CLPTM1L: variants seen among roughly 807,000 people sequenced by gnomAD.
CLPTM1L encodes the protein lipid scramblase CLPTM1L.
In CLPTM1L, 38 loss-of-function variants were observed where a neutral mutation model predicts 70.9. The observed-to-expected ratio is 0.54, with a 90% confidence interval of 0.41 to 0.70. CLPTM1L has a LOEUF of 0.70. Among genes scored for constraint, CLPTM1L ranks in the 30% least tolerant of loss-of-function variants. The pLI is 0.00. For synonymous variants in CLPTM1L, 339 were observed against 299.9 expected (o/e 1.13, Z -1.35); for missense variants, 652 against 705.9 (o/e 0.92, Z 0.87).
chr5:1,322,506 T>C (rs1022060599), intron 13 of CLPTM1L, among the ~76,000 whole-genome samples: 1 of 152,234 alleles, frequency 6.6e-6, no homozygotes, highest in South Asian at 2.1e-4. Flanking sequence ...TAGGTTTCCT[T>C]GTTTCCATGA....
rs766018144 is a variant in CLPTM1L, at chr5:1,323,823, C to T, written c.1244G>A (p.Gly415Asp). The change falls in exon 12 of 17, where the codon GGT becomes GAT. Residue 415 changes from glycine to aspartate, a missense_variant. Physicochemically the swap from Gly to Asp is moderately conservative, Grantham distance 94 (BLOSUM62 -1). Around this residue, in one of 3 missense-constraint regions of CLPTM1L, gnomAD observed 240 missense variants for 295.0 expected, o/e 0.81. Transcript: ENST00000320895. ...GATATTCAGGAGTGAATAGACAGCA[C>T]CCCCGACACAGAGAGGGTACAGCAG... ...SYLLYPLCVG[G>D]AVYSLLNIKY... 1.9e-6 allele frequency: 3 copies of T among 1,613,736 alleles called. No individual in the cohort carries two copies. The East Asian group carries it at 6.7e-5, about 36-fold the overall frequency.
chr5:1,339,481 CCACA>C (rs1454031271), intron 3 of CLPTM1L, among the ~76,000 whole-genome samples: 2 of 134,050 alleles, frequency 1.5e-5, no homozygotes, highest in African/African-American at 3.0e-5. Context: ...GAACAGATGG[CCACA>C]CAGACGGGCA....
rs1477554460 is a variant in CLPTM1L, at chr5:1,320,645, C to G, written c.1503G>C (p.Val501=). The G allele has an allele frequency of 1.3e-6, 2 of 1,545,672 alleles. No individual in the cohort carries two copies. Among genetic ancestry groups the G allele is most frequent in the South Asian group, 1.2e-5 (1 of 83,660 alleles). The part of the protein sequence containing the change: ...SHRLACFRDD[V]VFLVYLYQRW... The stretch of plus-strand genomic sequence containing the variant: ...GCTGGTACAGGTAGACCAGAAACAC[C>G]ACGTCGTCCCGGAAGCAGGCCAGCC... The change falls in exon 16 of 17, where the codon GTG becomes GTC. Residue 501 remains valine, a synonymous_variant. Transcript: ENST00000320895.
chr5:1,332,207 T>C, intron 7 of CLPTM1L: 1 of 333,248 alleles, frequency 3.0e-6, no homozygotes, highest in South Asian at 4.1e-5. Flanking sequence ...TGCTCTCGGG[T>C]TGTGCCCACT....
intron 4 of CLPTM1L, chr5:1,338,386 G>C (rs970711096): frequency 3.5e-6 from 1 of 282,502 alleles, no homozygotes; most frequent in African/African-American, 2.3e-5. Context: ...CCACCTGGGA[G>C]GCGGAGCTGT....
Position 1,341,808 on chromosome 5 carries a change from C to T in CLPTM1L, c.316G>A (p.Ala106Thr). ...CCAGCGTGATGGAGGAAGATGTAGG[C>T]ATACAGCGTCCCATTGTTTCTCGTT... ...KKTRNNGTLY[A>T]YIFLHHAGVL... Residue 106 changes from alanine to threonine, a missense_variant, in exon 3 of 17, where the codon GCC (alanine) becomes ACC (threonine). This residue lies in a region of CLPTM1L where 402 missense variants were observed against 388.2 expected (regional missense o/e 1.04). Transcript: ENST00000320895. 1 of 1,614,122 alleles carries T rather than the reference C, an allele frequency of 6.2e-7. No individual in the cohort carries two copies. Among genetic ancestry groups the T allele is most frequent in the Non-Finnish European group, 8.5e-7 (1 of 1,179,992 alleles).
chr5:1,337,323 C>T (rs538079862), intron 5 of CLPTM1L, among the ~76,000 whole-genome samples: 1 of 152,360 alleles, frequency 6.6e-6, no homozygotes, highest in Admixed American at 6.5e-5. Flanking sequence ...CATTTCATCT[C>T]CTCTCAAAGC....
chr5:1,318,382 G>GGC lies in CLPTM1L; in HGVS notation c.1602_1603dup (p.Pro535ArgfsTer18). 1 of 1,613,554 alleles carries GGC rather than the reference G, an allele frequency of 6.2e-7. No individual in the cohort carries two copies. The highest frequency in any genetic ancestry group is 8.5e-7 in the Non-Finnish European group (1 of 1,179,890). ...CCCGGGCGGCCTTCAGTCCGTGTGGGGCGCCCGCGTGGCCTTCTCCTCGTA... is the reference window on the plus strand; with the variant it reads ...CCCGGGCGGCCTTCAGTCCGTGTGGGGCGCGCCCGCGTGGCCTTCTCCTCGTA... On this transcript the variant is annotated frameshift_variant, in exon 17 of 17. Coordinates refer to ENST00000320895, the MANE Select transcript of CLPTM1L (RefSeq NM_030782.5). LOFTEE classifies it high-confidence loss of function. This position sits in a 1 kb window ranked among gnomAD's most constrained non-coding sequence, Gnocchi z 8.9.
Position 1,330,564 on chromosome 5 carries a change from T to C in CLPTM1L, c.977-181A>G, listed in dbSNP as rs377130557. On this transcript the variant is annotated intron_variant, in intron 8 of 16. Transcript: ENST00000320895. The stretch of plus-strand genomic sequence containing the variant: ...ATGAAGCATTCAGCAGCTAGGAAAG[T>C]GTTTGGAAGGCTGCTGAACTGAACA... 9 of 589,538 alleles carry C rather than the reference T, an allele frequency of 1.5e-5. No homozygotes were observed. In the South Asian group the frequency reaches 1.7e-4, roughly 11 times the overall value. The allele number at this position is 589,538 out of a possible 1,614,324, so 36.5% of individuals were successfully genotyped here.
chr5:1,325,442 G>A (rs907404255), intron 10 of CLPTM1L: 9 of 434,316 alleles, frequency 2.1e-5, no homozygotes, highest in African/African-American at 5.9e-5. Context: ...CCTCGGGAGC[G>A]CCTCTGGACA....
rs1751962692 is a variant in CLPTM1L, at chr5:1,318,467, A to T, written c.1533-14T>A. On this transcript the variant is annotated splice_polypyrimidine_tract_variant and intron_variant, in intron 16 of 16. Transcript: ENST00000320895. The surrounding 1 kb of genome is among the most constrained non-coding windows in gnomAD (Gnocchi z 8.9). ...ACAGGATAAAGCCTGCAATGACACAAATGAGCACATCAGCAAACCCCACTG... is the reference window on the plus strand; with the variant it reads ...ACAGGATAAAGCCTGCAATGACACATATGAGCACATCAGCAAACCCCACTG... The T allele has an allele frequency of 6.2e-7, 1 of 1,610,548 alleles. No individual in the cohort carries two copies. The highest frequency in any genetic ancestry group is 1.7e-5 in the Admixed American group (1 of 59,920).
intron 16 of CLPTM1L, 135 bp downstream of exon 16, chr5:1,320,481 A>G: frequency 3.9e-6 from 2 of 516,694 alleles, no homozygotes; most frequent in Non-Finnish European, 3.4e-6. Flanking sequence ...AAGACAGGAA[A>G]AACCACCACC....
Position 1,323,872 on chromosome 5 carries a change from G to A in CLPTM1L, c.1198-3C>T. 1 of 1,612,136 alleles carries A rather than the reference G, an allele frequency of 6.2e-7. No individual in the cohort carries two copies. Reference sequence around the variant, plus strand: ...AGGTATGACAAGTACTTCATGGCCTGCAGGGAACAAAGATGGCTTCCAGTT... The same window carrying A: ...AGGTATGACAAGTACTTCATGGCCTACAGGGAACAAAGATGGCTTCCAGTT... On this transcript the variant is annotated splice_polypyrimidine_tract_variant and splice_region_variant and intron_variant, in intron 11 of 16. Coordinates refer to ENST00000320895, the MANE Select transcript of CLPTM1L (RefSeq NM_030782.5).
At chr5:1,343,080 A>T (rs1754048835) in intron 2 of CLPTM1L, among the ~76,000 whole-genome samples, 2 of 152,164 alleles carry the variant, frequency 1.3e-5, no homozygotes, top group Non-Finnish European at 2.9e-5. Context: ...AGTCTCAGCT[A>T]CTTTGGAGGC....
intron 7 of CLPTM1L, among the ~76,000 whole-genome samples, chr5:1,332,698 T>G (rs1279645213): frequency 5.3e-5 from 8 of 152,198 alleles, no homozygotes; most frequent in Non-Finnish European, 8.8e-5. Context: ...ATTCTGAGAG[T>G]GAGACCACAC....
At chr5:1,334,907 A>T (rs1753464759) in intron 6 of CLPTM1L, 150 bp downstream of exon 6, 1 of 603,374 alleles carries the variant, frequency 1.7e-6, no homozygotes, top group African/African-American at 1.8e-5. Flanking sequence ...GAGAGAAGTG[A>T]GGCAGGCGCT....
chr5:1,341,919 A>G, intron 2 of CLPTM1L, 59 bp from the exon 3 acceptor site: 1 of 1,357,704 alleles, frequency 7.4e-7, no homozygotes, highest in South Asian at 1.3e-5. Flanking sequence ...TCTAGAACCT[A>G]TTCAAATACC....
At chr5:1,332,537 C>A (rs1257434012) in intron 7 of CLPTM1L, among the ~76,000 whole-genome samples, 1 of 152,222 alleles carries the variant, frequency 6.6e-6, no homozygotes, top group East Asian at 1.9e-4. Flanking sequence ...TCCTGGGTGC[C>A]GCCTAACCAC....
At chr5:1,337,087 A>G (rs1159238004) in intron 5 of CLPTM1L, among the ~76,000 whole-genome samples, 1 of 152,218 alleles carries the variant, frequency 6.6e-6, no homozygotes, top group African/African-American at 2.4e-5. Flanking sequence ...CCGGAGTGAC[A>G]GTGATGGCTT....
Sources: gnomAD v4.1 joint callset for allele counts (sites outside exome capture counted in the v4.1 genomes callset) on GRCh38, gnomAD v4.1.1 for gene constraint, gnomAD v4.1.1 regional missense constraint, Gnocchi (gnomAD v3.1) non-coding constraint, MANE v1.5 for transcripts, NCBI Gene and HGNC (gene_info 2026-07-23, HGNC 2026-07-21) for gene names.